The following SH3RF2 variants were observed in gnomAD, a reference collection of about 807,000 sequenced individuals.
SH3RF2 encodes the protein E3 ubiquitin-protein ligase SH3RF2.
A neutral mutation model predicts 59.0 loss-of-function variants in SH3RF2; 43 were observed. The ratio of observed to expected loss-of-function variants is 0.73; its 90% CI spans 0.57 to 0.94. The LOEUF is 0.94. Ranked by LOEUF, SH3RF2 falls within the 40% of genes least tolerant of loss-of-function variation. The pLI is 0.00. For synonymous variants in SH3RF2, 391 were observed against 391.5 expected (o/e 1.00, Z 0.01); for missense variants, 930 against 940.1 (o/e 0.99, Z 0.14).
At chr5:145,991,896 G>A (rs1266872420) in intron 2 of SH3RF2, among the ~76,000 whole-genome samples, 1 of 152,154 alleles carries the variant, frequency 6.6e-6, no homozygotes, top group Non-Finnish European at 1.5e-5. Context: ...GCCCCCATTT[G>A]AGTTAGAATA....
chr5:145,996,407 A>T (rs1049352601), intron 2 of SH3RF2, among the ~76,000 whole-genome samples: 1 of 152,226 alleles, frequency 6.6e-6, no homozygotes, highest in African/African-American at 2.4e-5. Flanking sequence ...TTCGAGCAAG[A>T]CTGGAGTGAG....
At chr5:146,066,470 C>T (rs1763108590), downstream of SH3RF2, among the ~76,000 whole-genome samples, 1 of 152,158 alleles carries the variant, frequency 6.6e-6, no homozygotes, top group Admixed American at 6.5e-5. Flanking sequence ...GCATCATGAA[C>T]ACCTAATAAA....
chr5:145,960,441 A>T (rs1758590024), intron 2 of SH3RF2, among the ~76,000 whole-genome samples: 1 of 152,218 alleles, frequency 6.6e-6, no homozygotes, highest in South Asian at 2.1e-4. Context: ...TTTCAATATC[A>T]TGTAGTTCAA....
In SH3RF2 at chr5:146,060,136, T is replaced by A. The variant is rs1423965799; in HGVS notation, c.1826T>A (p.Ile609Asn). 6 of 1,614,046 alleles carry A rather than the reference T, an allele frequency of 3.7e-6. No homozygotes were observed. Among genetic ancestry groups the A allele is most frequent in the Non-Finnish European group, 5.1e-6 (6 of 1,179,992 alleles). Residue 609 changes from isoleucine (I) to asparagine (N), a missense_variant, in exon 9 of 10, where the codon ATC (isoleucine) becomes AAC (asparagine). Physicochemically the swap from Ile to Asn is moderately radical, Grantham distance 149 (BLOSUM62 -3). Transcript: ENST00000359120. ...ATTATGGAAGACAAAGAAATCCCCATCAAGAGTGAGCCTCTGCCAAAACCG... is the reference window on the plus strand; with the variant it reads ...ATTATGGAAGACAAAGAAATCCCCAACAAGAGTGAGCCTCTGCCAAAACCG... ...SLIMEDKEIP[I>N]KSEPLPKPPA...
chr5:145,966,765 T>TA (rs1183086273), intron 2 of SH3RF2, among the ~76,000 whole-genome samples: 2 of 152,244 alleles, frequency 1.3e-5, no homozygotes, highest in Non-Finnish European at 2.9e-5. Context: ...TTCATGCCTG[T>TA]AATCCCAGCA....
intron 7 of SH3RF2, 113 bp downstream of exon 7, chr5:146,049,358 A>T: frequency 7.7e-7 from 1 of 1,294,960 alleles, no homozygotes. Flanking sequence ...AGGCCAAGAA[A>T]GCGCTTTTTG....
chr5:146,022,874 A>AACACACACACACACACAC (rs57377156), intron 5 of SH3RF2, among the ~76,000 whole-genome samples: 1 of 141,964 alleles, frequency 7.0e-6, no homozygotes, highest in African/African-American at 2.7e-5. Context: ...GCTCCATCTA[A>AACACACACACACACACAC]ACACACACAC....
chr5:146,040,620 C>CA (rs1190558535), intron 5 of SH3RF2, among the ~76,000 whole-genome samples: 3 of 152,156 alleles, frequency 2.0e-5, no homozygotes, highest in Non-Finnish European at 4.4e-5. Context: ...ATAACCCCTG[C>CA]AGACCTGGCC....
intron 2 of SH3RF2, among the ~76,000 whole-genome samples, chr5:145,953,884 C>T (rs866537048): frequency 1.3e-5 from 2 of 152,086 alleles, no homozygotes; most frequent in Admixed American, 6.5e-5. Context: ...TCAAAAGACA[C>T]GATCTCATTC....
chr5:146,044,260 C>T (rs1305793250), intron 5 of SH3RF2, among the ~76,000 whole-genome samples: 2 of 151,772 alleles, frequency 1.3e-5, no homozygotes, highest in African/African-American at 4.8e-5. Context: ...AAGCGATTCT[C>T]CTGCCTCAGC....
chr5:145,944,363 G>A (rs1217876074), intron 2 of SH3RF2, among the ~76,000 whole-genome samples: 4 of 129,952 alleles, frequency 3.1e-5, no homozygotes, highest in African/African-American at 1.2e-4. Context: ...TTTAAATTAT[G>A]CTTTAGAGAC....
intron 2 of SH3RF2, among the ~76,000 whole-genome samples, chr5:145,951,844 G>A (rs1438453105): frequency 6.6e-6 from 1 of 152,148 alleles, no homozygotes; most frequent in Non-Finnish European, 1.5e-5. Context: ...TATTGAACTG[G>A]TTTTAAGTAT....
rs1037270394 is a variant in SH3RF2, at chr5:145,936,711, C to A, written c.-107+17C>A. On this transcript the variant is annotated intron_variant, in intron 1 of 9. Coordinates refer to ENST00000359120, the MANE Select transcript of SH3RF2 (RefSeq NM_152550.4). ...ATGCACAAGGTTAGTGGCCCCCACACGCCTCCCCAGCCCGCTGCCGCGCTG... is the reference window on the plus strand; with the variant it reads ...ATGCACAAGGTTAGTGGCCCCCACAAGCCTCCCCAGCCCGCTGCCGCGCTG... 4 of 152,556 alleles carry A rather than the reference C, an allele frequency of 2.6e-5. No individual in the cohort carries two copies. Among genetic ancestry groups the A allele is most frequent in the South Asian group, 4.1e-4 (2 of 4,834 alleles). 9.5% of individuals were successfully genotyped at this position (152,556 alleles called of 1,614,324 possible). A position where few individuals can be genotyped will look rare whatever the true frequency, so the allele number is the denominator to read the frequency against.
chr5:145,978,603 C>T (rs1759388294), intron 2 of SH3RF2, among the ~76,000 whole-genome samples: 1 of 151,346 alleles, frequency 6.6e-6, no homozygotes, highest in Non-Finnish European at 1.5e-5. Context: ...AACATTAATT[C>T]AGGGTTTACC....
chr5:146,067,882 GC>G (rs1349872770), downstream of SH3RF2, among the ~76,000 whole-genome samples: 1 of 152,180 alleles, frequency 6.6e-6, no homozygotes, highest in African/African-American at 2.4e-5. Flanking sequence ...CAGCAATAAA[GC>G]CCTTCTCCAT....
At chr5:146,003,185 T>C (rs556102174) in intron 3 of SH3RF2, among the ~76,000 whole-genome samples, 7 of 152,308 alleles carry the variant, frequency 4.6e-5, no homozygotes, top group African/African-American at 1.4e-4. Flanking sequence ...CTGTGTCCCA[T>C]ATGGCTTCAT....
chr5:145,963,039 A>G (rs1157046972), intron 2 of SH3RF2, among the ~76,000 whole-genome samples: 1 of 151,730 alleles, frequency 6.6e-6, no homozygotes, highest in Non-Finnish European at 1.5e-5. Flanking sequence ...CTGGGACTAC[A>G]TGCAGCTGCC....
At chr5:145,964,586 C>A (rs1232778989) in intron 2 of SH3RF2, among the ~76,000 whole-genome samples, 1 of 152,058 alleles carries the variant, frequency 6.6e-6, no homozygotes, top group African/African-American at 2.4e-5. Context: ...GGATTACGGG[C>A]GTGAGCCACC....
At chr5:145,948,973 A>C (rs1171838103) in intron 2 of SH3RF2, among the ~76,000 whole-genome samples, 3 of 152,252 alleles carry the variant, frequency 2.0e-5, no homozygotes, top group Non-Finnish European at 4.4e-5. Flanking sequence ...TATTGAATGC[A>C]TAATGTTTGC....
Sources: gnomAD v4.1 joint callset for allele counts (sites outside exome capture counted in the v4.1 genomes callset) on GRCh38, gnomAD v4.1.1 for gene constraint, MANE v1.5 for transcripts, NCBI Gene and HGNC (gene_info 2026-07-23, HGNC 2026-07-21) for gene names.